The following DYNLL2 variants were observed in gnomAD, a reference collection of about 807,000 sequenced individuals.
The protein encoded by DYNLL2 is dynein light chain LC8-type 2, also known as dynein light chain 2, cytoplasmic.
In DYNLL2, 1 loss-of-function variant was observed where a neutral mutation model predicts 9.7. The observed-to-expected ratio is 0.10, with a 90% CI of 0.04 to 0.49. The LOEUF is 0.49. DYNLL2 is among the 20% of genes least tolerant of loss of function. The pLI, the probability that DYNLL2 is intolerant of heterozygous loss-of-function variation, is 0.95. For missense variants in DYNLL2, 37 were observed against 115.2 expected (o/e 0.32, Z 3.11); for synonymous variants, 35 against 40.5 (o/e 0.86, Z 0.52).
Position 58,087,918 on chromosome 17 carries a change from A to G in DYNLL2, c.132+696A>G, listed in dbSNP as rs115592187. Among the ~76,000 whole-genome samples, 1,367 of 152,290 alleles carry G rather than the reference A, an allele frequency of 9.0e-3. 24 individuals are homozygous for G. The highest frequency in any genetic ancestry group is 0.032 in the African/African-American group (1,313 of 41,546). On this transcript the variant is annotated intron_variant, in intron 2 of 2. Transcript: ENST00000579991. ...CCCAGTCAGGATCCATATCCATTGG[A>G]GGCATAGTCCCAGCATTTGATATTC... is the stretch of plus-strand genomic sequence containing the variant.
rs1476742236 is a variant in DYNLL2 at position 58,090,641 on chromosome 17, C to T, written c.*1362C>T. ...TCTGGGAGCCTTGGAGGAGGTCAGT[C>T]TTGCAGTGGTGAAGCCAGGACATAG... On this transcript the variant is annotated 3_prime_UTR_variant, in exon 3 of 3. Coordinates refer to ENST00000579991, the MANE Select transcript of DYNLL2 (RefSeq NM_080677.3). 1 of 151,684 alleles carries T rather than the reference C, an allele frequency of 6.6e-6. No individual in the cohort carries two copies. The highest frequency in any genetic ancestry group is 1.5e-5 in the Non-Finnish European group (1 of 68,302). The allele number at this position is 151,684 out of a possible 1,614,324, so 9.4% of individuals were successfully genotyped here.
chr17:58,089,368 G>C lies in DYNLL2; in HGVS notation c.*89G>C. 6.6e-7 allele frequency: 1 copy of C among 1,518,210 alleles called. No homozygotes were observed. The highest frequency in any genetic ancestry group is 1.4e-5 in the African/African-American group (1 of 72,202). The allele number at this position is 1,518,210 out of a possible 1,614,324, so 94.0% of individuals were successfully genotyped here. A position where few individuals can be genotyped will look rare whatever the true frequency, so the allele number is the denominator to read the frequency against. ...TGTTTTGCACTGGAGCCAGCATCAG[G>C]ATGTCCTCTCCAATGGCTGTGCTAC... is the stretch of plus-strand genomic sequence containing the variant. On this transcript the variant is annotated 3_prime_UTR_variant, in exon 3 of 3. Coordinates refer to ENST00000579991, the MANE Select transcript of DYNLL2 (RefSeq NM_080677.3).
chr17:58,083,478 G>T lies in DYNLL2; in HGVS notation c.-215G>T, dbSNP rs1174956808. 2 of 149,980 alleles carry T rather than the reference G, an allele frequency of 1.3e-5. No individual in the cohort carries two copies. Among genetic ancestry groups the T allele is most frequent in the Non-Finnish European group, 3.0e-5 (2 of 67,128 alleles). The allele number at this position is 149,980 out of a possible 1,614,324, so 9.3% of individuals were successfully genotyped here. A position where few individuals can be genotyped will look rare whatever the true frequency, so the allele number is the denominator to read the frequency against. On this transcript the variant is annotated 5_prime_UTR_variant, in exon 1 of 3. Coordinates refer to ENST00000579991, the MANE Select transcript of DYNLL2 (RefSeq NM_080677.3). ...TGCGGAGCGGGCGGGCGGGCGGGCG[G>T]CGTGAGGCGGAGCGCGGGCGGCCGG...
In DYNLL2 at chr17:58,090,379, T is replaced by TA. The variant is rs1159569780; in HGVS notation, c.*1101dup. 1 of 152,838 alleles carries TA rather than the reference T, an allele frequency of 6.5e-6. No individual in the cohort carries two copies. Among genetic ancestry groups the TA allele is most frequent in the African/African-American group, 2.4e-5 (1 of 41,364 alleles). 9.5% of individuals were successfully genotyped at this position (152,838 alleles called of 1,614,324 possible). On this transcript the variant is annotated 3_prime_UTR_variant, in exon 3 of 3. Coordinates refer to ENST00000579991, the MANE Select transcript of DYNLL2 (RefSeq NM_080677.3). ...CTTTTATGCTAAAAGCCTCTGGGGA[T>TA]ATCTGTTTTGAAAATAAAGATAGGT...
chr17:58,087,307 T>C, intron 2 of DYNLL2, 85 bp downstream of exon 2: 1 of 1,568,474 alleles, frequency 6.4e-7, no homozygotes, highest in Non-Finnish European at 8.7e-7. Context: ...GCTGGGGACA[T>C]AAGAAAGCCC....
At chr17:58,089,098 A>G (rs748177953) in intron 2 of DYNLL2, 44 bp from the exon 3 acceptor site, 2 of 1,611,314 alleles carry the variant, frequency 1.2e-6, no homozygotes, top group Non-Finnish European at 1.7e-6. Flanking sequence ...CTCCTTCTCC[A>G]GCTACCCTAA....
chr17:58,084,566 C>A (rs1205994745), intron 1 of DYNLL2, among the ~76,000 whole-genome samples: 1 of 152,158 alleles, frequency 6.6e-6, no homozygotes, highest in South Asian at 2.1e-4. Context: ...CCTTCCTGTG[C>A]TTTGCTTACC....
chr17:58,088,827 G>A (rs1182352049), intron 2 of DYNLL2, among the ~76,000 whole-genome samples: 2 of 152,136 alleles, frequency 1.3e-5, no homozygotes, highest in African/African-American at 2.4e-5. Flanking sequence ...AAGAATCCCA[G>A]GGTGGGCTAG....
At position 58,090,163 on chromosome 17, in the gene DYNLL2, C is replaced by G. The variant is rs183998145; in HGVS notation, c.*884C>G. The G allele has an allele frequency of 2.7e-6, 1 of 369,880 alleles. No homozygotes were observed. Among genetic ancestry groups the G allele is most frequent in the Non-Finnish European group, 4.8e-6 (1 of 208,450 alleles). The allele number at this position is 369,880 out of a possible 1,614,324, so 22.9% of individuals were successfully genotyped here. On this transcript the variant is annotated 3_prime_UTR_variant, in exon 3 of 3. Coordinates refer to ENST00000579991, the MANE Select transcript of DYNLL2 (RefSeq NM_080677.3). ...AAGGGAATTTCTGGTGACTGTAGTT[C>G]CTTAGTTAGGTCTTAGCAATCAAAC...
At position 58,083,476 on chromosome 17, in the gene DYNLL2, C is replaced by CGGGCG. The variant is rs1437026301; in HGVS notation, c.-215_-214insGCGGG. ...AGTGCGGAGCGGGCGGGCGGGCGGG[C>CGGGCG]GGCGTGAGGCGGAGCGCGGGCGGCC... is the stretch of plus-strand genomic sequence containing the variant. On this transcript the variant is annotated 5_prime_UTR_variant, in exon 1 of 3. Coordinates refer to ENST00000579991, the MANE Select transcript of DYNLL2 (RefSeq NM_080677.3). The CGGGCG allele has an allele frequency of 6.8e-6, 1 of 148,094 alleles. No individual in the cohort carries two copies. The highest frequency in any genetic ancestry group is 1.5e-5 in the Non-Finnish European group (1 of 66,554). 9.2% of individuals were successfully genotyped at this position (148,094 alleles called of 1,614,324 possible). A position where few individuals can be genotyped will look rare whatever the true frequency, so the allele number is the denominator to read the frequency against.
intron 1 of DYNLL2, 102 bp from the exon 2 acceptor site, chr17:58,086,980 C>T (rs2075762241): frequency 1.4e-6 from 2 of 1,428,294 alleles, no homozygotes; most frequent in Non-Finnish European, 9.6e-7. Context: ...GTTGCCCTCA[C>T]CTTCTATACT....
At chr17:58,086,549 A>G (rs2075760723) in intron 1 of DYNLL2, among the ~76,000 whole-genome samples, 1 of 152,228 alleles carries the variant, frequency 6.6e-6, no homozygotes, top group Non-Finnish European at 1.5e-5. Flanking sequence ...ACCACGAGAG[A>G]TAAACTCAGG....
rs569815249 is a variant in DYNLL2 at position 58,092,588 on chromosome 17, A to G, written c.*3309A>G. 1 of 152,350 alleles carries G rather than the reference A, an allele frequency of 6.6e-6. No individual in the cohort carries two copies. Among genetic ancestry groups the G allele is most frequent in the African/African-American group, 2.4e-5 (1 of 41,574 alleles). 9.4% of individuals were successfully genotyped at this position (152,350 alleles called of 1,614,324 possible). ...GAGCATCAATATCCCTGCTCCTTGT[A>G]TCCTGTTCTCCAGTCTTCTGGGGAC... is the stretch of plus-strand genomic sequence containing the variant. On this transcript the variant is annotated 3_prime_UTR_variant, in exon 3 of 3. Coordinates refer to ENST00000579991, the MANE Select transcript of DYNLL2 (RefSeq NM_080677.3).
rs960383092 is a variant in DYNLL2 at position 58,094,397 on chromosome 17, C to G, written c.*5118C>G. 1 of 152,002 alleles carries G rather than the reference C, an allele frequency of 6.6e-6. No homozygotes were observed. Among genetic ancestry groups the G allele is most frequent in the African/African-American group, 2.4e-5 (1 of 41,382 alleles). 9.4% of individuals were successfully genotyped at this position (152,002 alleles called of 1,614,324 possible). On this transcript the variant is annotated 3_prime_UTR_variant, in exon 3 of 3. Transcript: ENST00000579991. ...AATAAAGTTGGGGAAAGAACAAAAT[C>G]CCCCCCTCACACCCTATTGCACCAC...
In DYNLL2 at chr17:58,091,420, A is replaced by G. The variant is rs929435123; in HGVS notation, c.*2141A>G. On this transcript the variant is annotated 3_prime_UTR_variant, in exon 3 of 3. Transcript: ENST00000579991. ...ATGCCCCTTAAGTAGAGGAAAACTAACCAGCAGCACTCACCCTTAAGGGCT... is the reference window on the plus strand; with the variant it reads ...ATGCCCCTTAAGTAGAGGAAAACTAGCCAGCAGCACTCACCCTTAAGGGCT... 2 of 152,070 alleles carry G rather than the reference A, an allele frequency of 1.3e-5. No individual in the cohort carries two copies. Among genetic ancestry groups the G allele is most frequent in the Non-Finnish European group, 2.9e-5 (2 of 68,044 alleles). 9.4% of individuals were successfully genotyped at this position (152,070 alleles called of 1,614,324 possible). A position where few individuals can be genotyped will look rare whatever the true frequency, so the allele number is the denominator to read the frequency against.
At chr17:58,088,861 G>C (rs1411963843) in intron 2 of DYNLL2, among the ~76,000 whole-genome samples, 1 of 152,162 alleles carries the variant, frequency 6.6e-6, no homozygotes, top group Non-Finnish European at 1.5e-5. Flanking sequence ...GGGTGGGGTA[G>C]CTAGAGGGAG....
intron 1 of DYNLL2, among the ~76,000 whole-genome samples, chr17:58,086,008 A>G (rs2075758654): frequency 6.6e-6 from 1 of 152,216 alleles, no homozygotes; most frequent in Non-Finnish European, 1.5e-5. Context: ...TTCAAAAATT[A>G]TATTGGGCTT....
Position 58,093,742 on chromosome 17 carries a change from G to C in DYNLL2, c.*4463G>C, listed in dbSNP as rs2075788483. 1 of 152,144 alleles carries C rather than the reference G, an allele frequency of 6.6e-6. No homozygotes were observed. Among genetic ancestry groups the C allele is most frequent in the African/African-American group, 2.4e-5 (1 of 41,412 alleles). 9.4% of individuals were successfully genotyped at this position (152,144 alleles called of 1,614,324 possible). On this transcript the variant is annotated 3_prime_UTR_variant, in exon 3 of 3. Transcript: ENST00000579991. The stretch of plus-strand genomic sequence containing the variant: ...CCACCTCTTCCTCCTTAAGGCCTTT[G>C]GGAGAGATGGGTCTCCTGGTATTAG...
Position 58,085,601 on chromosome 17 carries a change from G to A in DYNLL2, c.-9-1481G>A, listed in dbSNP as rs193245437. Reference sequence around the variant, plus strand: ...GGCTCATCCCCTCTGTTCCTGCATAGTACCTCACATGTTGCCACCTGTCAG... The same window carrying A: ...GGCTCATCCCCTCTGTTCCTGCATAATACCTCACATGTTGCCACCTGTCAG... On this transcript the variant is annotated intron_variant, in intron 1 of 2. Transcript: ENST00000579991. 1.4e-3 allele frequency among the ~76,000 whole-genome samples: 218 copies of A among 152,284 alleles called. 2 individuals carry two copies. The highest frequency in any genetic ancestry group is 2.3e-3 in the Non-Finnish European group (157 of 68,026).
Sources: allele counts gnomAD v4.1 joint callset (sites outside exome capture counted in the v4.1 genomes callset), GRCh38; gene constraint gnomAD v4.1.1; transcripts MANE v1.5; gene names NCBI Gene and HGNC (gene_info 2026-07-23, HGNC 2026-07-21).